The following LRRTM4 variants were observed in gnomAD, a reference collection of about 807,000 sequenced individuals.
The protein encoded by LRRTM4 is leucine-rich repeat transmembrane neuronal protein 4.
A neutral mutation model predicts 47.6 loss-of-function variants in LRRTM4; 25 were observed. The observed-to-expected ratio is 0.53, with a 90% CI of 0.38 to 0.73. The LOEUF is 0.73. LRRTM4 is among the 30% of genes least tolerant of loss of function. The pLI, the probability that LRRTM4 is intolerant of heterozygous loss-of-function variation, is 0.00. For missense variants in LRRTM4, 638 were observed against 713.4 expected, an observed-to-expected ratio of 0.89 and a Z score of 1.20; for synonymous variants, 311 against 269.5, an observed-to-expected ratio of 1.15 and a Z score of -1.51.
intron 3 of LRRTM4, among the ~76,000 whole-genome samples, chr2:77,354,108 T>C (rs1047245525): frequency 6.6e-6 from 1 of 152,152 alleles, no homozygotes. Flanking sequence ...GTCACTGCTA[T>C]GGAAAGGGGC....
intron 3 of LRRTM4, among the ~76,000 whole-genome samples, chr2:77,202,132 G>A (rs1237851397): frequency 6.6e-6 from 1 of 152,096 alleles, no homozygotes; most frequent in Non-Finnish European, 1.5e-5. Context: ...GTCAGTAACA[G>A]TGAAAGAGTG....
chr2:77,055,543 G>A (rs1329009213), intron 3 of LRRTM4, among the ~76,000 whole-genome samples: 2 of 152,170 alleles, frequency 1.3e-5, no homozygotes, highest in East Asian at 1.9e-4. Flanking sequence ...GTAAACAACA[G>A]GTGCTGGAGA....
intron 3 of LRRTM4, among the ~76,000 whole-genome samples, chr2:77,154,072 C>G (rs1035255856): frequency 2.6e-5 from 4 of 152,140 alleles, no homozygotes; most frequent in Non-Finnish European, 4.4e-5. Flanking sequence ...TCCATCAATA[C>G]CAAATGAAGA....
chr2:77,191,748 T>G, intron 3 of LRRTM4, among the ~76,000 whole-genome samples: 1 of 151,878 alleles, frequency 6.6e-6, no homozygotes, highest in East Asian at 1.9e-4. Context: ...GTTGAGAAAA[T>G]TTTGAGACAA....
intron 3 of LRRTM4, among the ~76,000 whole-genome samples, chr2:76,826,882 T>C (rs1283682889): frequency 4.6e-5 from 7 of 151,888 alleles, no homozygotes; most frequent in Non-Finnish European, 1.5e-5. Context: ...AGATTTCCAT[T>C]TGTGGAGGGA....
chr2:77,172,361 C>T (rs904054804), intron 3 of LRRTM4, among the ~76,000 whole-genome samples: 1 of 152,126 alleles, frequency 6.6e-6, no homozygotes, highest in Non-Finnish European at 1.5e-5. Flanking sequence ...CTTTGGGAGG[C>T]CGAGGTGGGT....
At chr2:76,763,670 G>C (rs1466731312) in intron 3 of LRRTM4, among the ~76,000 whole-genome samples, 7 of 152,116 alleles carry the variant, frequency 4.6e-5, no homozygotes, top group South Asian at 4.1e-4. Context: ...TAAAAATGTA[G>C]GCATGGTTTT....
chr2:76,876,989 C>A (rs991722719), intron 3 of LRRTM4, among the ~76,000 whole-genome samples: 9 of 152,044 alleles, frequency 5.9e-5, no homozygotes, highest in African/African-American at 2.2e-4. Flanking sequence ...ACACAGTTTG[C>A]ACACTAGAGA....
chr2:76,851,031 G>A (rs141468992), intron 3 of LRRTM4, among the ~76,000 whole-genome samples: 241 of 152,262 alleles, frequency 1.6e-3, no homozygotes, highest in African/African-American at 5.6e-3. Flanking sequence ...AGCCAGTTTG[G>A]GTAAGTCTGA....
At chr2:76,948,495 T>C (rs1462167186) in intron 3 of LRRTM4, among the ~76,000 whole-genome samples, 1 of 151,874 alleles carries the variant, frequency 6.6e-6, no homozygotes, top group Non-Finnish European at 1.5e-5. Flanking sequence ...TCATATTTTT[T>C]TGATATCCAT....
chr2:77,504,562 A>G (rs1432232946), intron 3 of LRRTM4, among the ~76,000 whole-genome samples: 1 of 151,632 alleles, frequency 6.6e-6, no homozygotes, highest in Non-Finnish European at 1.5e-5. Context: ...GTTCTTTGAA[A>G]AAAATCAATA....
intron 3 of LRRTM4, among the ~76,000 whole-genome samples, chr2:76,823,678 G>A (rs573278351): frequency 6.6e-6 from 1 of 151,254 alleles, no homozygotes; most frequent in Non-Finnish European, 1.5e-5. Flanking sequence ...TGAGAGTCAA[G>A]TTCTTCAACA....
chr2:77,214,752 T>C (rs1674390352), intron 3 of LRRTM4, among the ~76,000 whole-genome samples: 1 of 151,936 alleles, frequency 6.6e-6, no homozygotes, highest in Non-Finnish European at 1.5e-5. Context: ...TCTCCAGCCA[T>C]CTGTTAACTC....
intron 3 of LRRTM4, among the ~76,000 whole-genome samples, chr2:77,438,393 A>ATTTTTTT (rs70956631): frequency 3.6e-4 from 36 of 100,186 alleles, no homozygotes; most frequent in African/African-American, 1.5e-3. Flanking sequence ...GATCATGATA[A>ATTTTTTT]TTTTTTTTTT....
At chr2:76,776,584 T>C (rs1297452411) in intron 3 of LRRTM4, among the ~76,000 whole-genome samples, 7 of 152,158 alleles carry the variant, frequency 4.6e-5, no homozygotes, top group Non-Finnish European at 7.4e-5. Context: ...TCATGACCTT[T>C]GCCCACTTTT....
At chr2:77,332,033 A>T (rs761189886) in intron 3 of LRRTM4, among the ~76,000 whole-genome samples, 1 of 152,188 alleles carries the variant, frequency 6.6e-6, no homozygotes, top group Non-Finnish European at 1.5e-5. Context: ...AGATATTATC[A>T]TAAATAATAG....
At position 77,459,941 on chromosome 2, in the gene LRRTM4, A is replaced by G. The variant is rs10194889; in HGVS notation, c.1551+58377T>C. Among the ~76,000 whole-genome samples, 852 of 150,056 alleles carry G rather than the reference A, an allele frequency of 5.7e-3. 9 individuals are homozygous for G. The highest frequency in any genetic ancestry group is 0.02 in the African/African-American group (823 of 41,410). ...TGCCTCTTACTATGTTTAGACACAT[A>G]CTTCTTATTACAATGCCATTTCATC... On this transcript the variant is annotated intron_variant, in intron 3 of 3. Transcript: ENST00000409884.
At chr2:77,171,253 T>C (rs1673040808) in intron 3 of LRRTM4, among the ~76,000 whole-genome samples, 1 of 152,084 alleles carries the variant, frequency 6.6e-6, no homozygotes, top group Admixed American at 6.6e-5. Context: ...TTATGTTTTT[T>C]TTCTGTTGTT....
chr2:76,938,132 G>T (rs1315877939), intron 3 of LRRTM4, among the ~76,000 whole-genome samples: 1 of 151,546 alleles, frequency 6.6e-6, no homozygotes, highest in Admixed American at 6.6e-5. Flanking sequence ...CTACTGATTG[G>T]TAGTTGCACA....
Sources: gnomAD v4.1 joint callset for allele counts (sites outside exome capture counted in the v4.1 genomes callset) on GRCh38, gnomAD v4.1.1 for gene constraint, MANE v1.5 for transcripts, NCBI Gene and HGNC (gene_info 2026-07-23, HGNC 2026-07-21) for gene names.